Variants in BTD observed in about 807,000 individuals in gnomAD.
BTD encodes biocytinase.
BTD carries 13 observed loss-of-function variants against 17.7 expected under a neutral mutation model. The observed-to-expected ratio is 0.74, with a 90% CI of 0.48 to 1.17. The LOEUF is 1.17. Ranked by LOEUF, BTD falls within the 50% of genes most tolerant of loss-of-function variation. BTD has a pLI of 0.00. For missense variants in BTD, 674 were observed against 650.4 expected (o/e 1.04, Z -0.39); for synonymous variants, 240 against 245.2 (o/e 0.98, Z 0.20).
chr3:15,602,326 G>C, intron 1 of BTD: 3 of 1,070,128 alleles, frequency 2.8e-6, no homozygotes, highest in Non-Finnish European at 3.4e-6. Context: ...ATAGAGCACT[G>C]TTTTCTCCAG....
chr3:15,639,182 C>T (rs2065436681), intron 2 of BTD, among the ~76,000 whole-genome samples: 1 of 151,832 alleles, frequency 6.6e-6, no homozygotes, highest in African/African-American at 2.4e-5. Context: ...GATTACTCAT[C>T]ACATCAGACC....
intron 4 of BTD, chr3:15,721,012 T>G (rs773107712): frequency 6.2e-7 from 1 of 1,613,822 alleles, no homozygotes; most frequent in African/African-American, 1.3e-5. Context: ...AAATCCTTTT[T>G]CATTCTTTTG....
downstream of BTD, among the ~76,000 whole-genome samples, chr3:15,653,800 C>CA (rs1325002953): frequency 6.6e-6 from 1 of 152,196 alleles, no homozygotes; most frequent in Non-Finnish European, 1.5e-5. Flanking sequence ...TTGCAACTCT[C>CA]AAAAAATCAC....
intron 1 of BTD, among the ~76,000 whole-genome samples, chr3:15,631,786 T>C (rs1011923160): frequency 2.0e-5 from 3 of 152,206 alleles, no homozygotes; most frequent in Non-Finnish European, 2.9e-5. Context: ...GTAAGGACTT[T>C]GACTTCTGCG....
chr3:15,714,551 C>CAAA, downstream of BTD: 20 of 1,119,704 alleles, frequency 1.8e-5, no homozygotes, highest in South Asian at 7.1e-5. Flanking sequence ...AAAAAAACCC[C>CAAA]AAAAAAAAAA....
chr3:15,707,292 G>A (rs2071588336), intron 3 of BTD, among the ~76,000 whole-genome samples: 1 of 152,114 alleles, frequency 6.6e-6, no homozygotes, highest in Non-Finnish European at 1.5e-5. Context: ...ATTACAGATA[G>A]GTCTGATAAC....
chr3:15,602,059 G>T (rs543131476), intron 1 of BTD, 165 bp downstream of exon 1: 1 of 1,451,500 alleles, frequency 6.9e-7, no homozygotes, highest in East Asian at 2.5e-5. Context: ...CGTTGCTGCT[G>T]TGCTACCGCG....
At chr3:15,661,584 C>G (rs2065925992) in intron 3 of BTD, among the ~76,000 whole-genome samples, 2 of 152,138 alleles carry the variant, frequency 1.3e-5, no homozygotes, top group Admixed American at 1.3e-4. Flanking sequence ...TTTTTTTCCT[C>G]CCAGTCTATG....
At chr3:15,657,924 T>A (rs1316512786), downstream of BTD, among the ~76,000 whole-genome samples, 1 of 151,738 alleles carries the variant, frequency 6.6e-6, no homozygotes, top group Non-Finnish European at 1.5e-5. Context: ...TCCCAGCACT[T>A]TGGGAGGCCG....
intron 1 of BTD, among the ~76,000 whole-genome samples, chr3:15,630,928 A>G (rs918647520): frequency 2.0e-5 from 3 of 152,216 alleles, no homozygotes; most frequent in Non-Finnish European, 4.4e-5. Context: ...GGACAAGCTC[A>G]TGACCAGCAC....
intron 3 of BTD, among the ~76,000 whole-genome samples, chr3:15,678,918 G>GAA: frequency 6.6e-6 from 1 of 152,116 alleles, no homozygotes; most frequent in East Asian, 1.9e-4. Flanking sequence ...TGGGTTTTCT[G>GAA]TAAATTCTCT....
rs201852672 is a variant in BTD, at chr3:15,645,444, C to G, written c.1528C>G (p.Leu510Val). The G allele has an allele frequency of 5.6e-5, 90 of 1,612,540 alleles. No individual in the cohort carries two copies. In the East Asian group the frequency reaches 1.9e-3, roughly 34 times the overall value. ...FLRKSRLSSGLVTAALYGRLY... is the reference protein window; with the variant it reads ...FLRKSRLSSGVVTAALYGRLY... ...GAGGAAAAGTAGGCTGTCCTCTGGG[C>G]TGGTGACGGCGGCTCTCTATGGGCG... Residue 510 changes from leucine to valine, a missense_variant, in exon 4 of 4, where the codon CTG (leucine) becomes GTG (valine). Coordinates refer to ENST00000643237, the MANE Select transcript of BTD (RefSeq NM_001370658.1).
In BTD at chr3:15,711,322, C is replaced by T. The variant is rs138717156; in HGVS notation, c.*1248C>T. ...TTTATAACAGACATATTATTTTACA[C>T]TAAAGAATTGTGTCATGAAACATCA... is the stretch of plus-strand genomic sequence containing the variant. On this transcript the variant is annotated 3_prime_UTR_variant, in exon 4 of 4. Coordinates refer to the BTD transcript ENST00000672141. 1,079 of 1,487,120 alleles carry T rather than the reference C, an allele frequency of 7.3e-4. 12 individuals carry two copies. The African/African-American group carries it at 0.014, about 19-fold the overall frequency. The allele number at this position is 1,487,120 out of a possible 1,614,324, so 92.1% of individuals were successfully genotyped here. A position where few individuals can be genotyped will look rare whatever the true frequency, so the allele number is the denominator to read the frequency against.
intron 1 of BTD, among the ~76,000 whole-genome samples, chr3:15,619,857 G>A (rs998942738): frequency 2.6e-5 from 4 of 152,202 alleles, no homozygotes; most frequent in African/African-American, 9.7e-5. Context: ...CATATCAGCA[G>A]GACCATGATG....
intron 3 of BTD, chr3:15,696,266 A>AAC: frequency 6.3e-6 from 9 of 1,432,448 alleles, no homozygotes; most frequent in East Asian, 2.4e-5. Context: ...CAACAACAAC[A>AAC]TACTGAAAAT....
chr3:15,642,880 A>G (rs1415776373), intron 3 of BTD, among the ~76,000 whole-genome samples: 1 of 151,752 alleles, frequency 6.6e-6, no homozygotes, highest in Non-Finnish European at 1.5e-5. Context: ...GAAATCCCTC[A>G]GGCCAGGTGT....
intron 1 of BTD, among the ~76,000 whole-genome samples, chr3:15,602,876 A>G (rs2064314130): frequency 1.3e-5 from 2 of 152,128 alleles, no homozygotes; most frequent in Non-Finnish European, 2.9e-5. Flanking sequence ...GAAATACCCA[A>G]AACTGGGTAA....
intron 1 of BTD, among the ~76,000 whole-genome samples, chr3:15,631,735 C>G (rs981090376): frequency 6.6e-6 from 1 of 152,138 alleles, no homozygotes; most frequent in Non-Finnish European, 1.5e-5. Flanking sequence ...CCCCACCTGC[C>G]AAGTGTTTCC....
chr3:15,712,992 T>C (rs1376156613), downstream of BTD, among the ~76,000 whole-genome samples: 1 of 152,236 alleles, frequency 6.6e-6, no homozygotes, highest in Admixed American at 6.5e-5. Context: ...ATGGTGTTTC[T>C]TGCAGAGCAT....
Sources: gnomAD v4.1 joint callset for allele counts (sites outside exome capture counted in the v4.1 genomes callset) on GRCh38, gnomAD v4.1.1 for gene constraint, MANE v1.5 for transcripts, NCBI Gene and HGNC (gene_info 2026-07-23, HGNC 2026-07-21) for gene names.